ALDH2: variants seen among roughly 807,000 people sequenced by gnomAD.
ALDH2 encodes the protein aldehyde dehydrogenase, mitochondrial.
ALDH2 carries 44 observed loss-of-function variants against 59.6 expected under a neutral mutation model. The ratio of observed to expected loss-of-function variants is 0.74; its 90% CI spans 0.58 to 0.95. ALDH2 has a LOEUF of 0.95. ALDH2 is among the 40% of genes least tolerant of loss of function. The probability of loss-of-function intolerance (pLI) is 0.00; values close to 1 mark genes in which losing one functional copy is unlikely to be tolerated. For missense variants in ALDH2, 570 were observed against 696.3 expected (o/e 0.82, Z 2.04); for synonymous variants, 291 against 284.0 (o/e 1.02, Z -0.25).
intron 12 of ALDH2, among the ~76,000 whole-genome samples, chr12:111,806,946 G>T (rs1446913090): frequency 6.6e-6 from 1 of 151,214 alleles, no homozygotes; most frequent in East Asian, 2.0e-4. Context: ...TCCAGCCTGG[G>T]CAACAGAGCA....
intron 1 of ALDH2, among the ~76,000 whole-genome samples, chr12:111,774,080 C>G (rs185052213): frequency 6.6e-6 from 1 of 152,234 alleles, no homozygotes; most frequent in East Asian, 1.9e-4. Flanking sequence ...GTAAGCAGAA[C>G]AAGTTGAAAC....
chr12:111,792,949 T>C (rs1593080793), intron 9 of ALDH2, among the ~76,000 whole-genome samples, 167 bp downstream of exon 9: 1 of 151,754 alleles, frequency 6.6e-6, no homozygotes, highest in Non-Finnish European at 1.5e-5. Context: ...CATTTCCCCA[T>C]CCCGAGCCGT....
At chr12:111,792,567 C>T in intron 8 of ALDH2, 31 bp from the exon 9 acceptor site, 2 of 1,598,958 alleles carry the variant, frequency 1.3e-6, no homozygotes, top group Non-Finnish European at 1.7e-6. Flanking sequence ...TCCTCACTGT[C>T]ACCTTTCTGT....
chr12:111,791,499 G>T, intron 7 of ALDH2, 80 bp downstream of exon 7: 1 of 1,092,306 alleles, frequency 9.2e-7, no homozygotes. Flanking sequence ...TGCTCAAGGT[G>T]AGCTCCCGGG....
chr12:111,770,415 G>T (rs1324605502), intron 1 of ALDH2, among the ~76,000 whole-genome samples: 1 of 152,144 alleles, frequency 6.6e-6, no homozygotes, highest in Non-Finnish European at 1.5e-5. Flanking sequence ...AAAGTAGAAT[G>T]GGAGTTTGGG....
At position 111,798,236 on chromosome 12, in the gene ALDH2, G is replaced by A. The variant is rs754808238; in HGVS notation, c.1242G>A (p.Lys414=). The change falls in exon 10 of 13, where the codon AAG becomes AAA. Residue 414 remains lysine, a synonymous_variant. Coordinates refer to ENST00000261733, the MANE Select transcript of ALDH2 (RefSeq NM_000690.4). ...TGCAGGATGGCATGACCATCGCCAAGGAGGAGGTGAGCACTTGGGGCCAGT... is the reference window on the plus strand; with the variant it reads ...TGCAGGATGGCATGACCATCGCCAAAGAGGAGGTGAGCACTTGGGGCCAGT... ...GDVQDGMTIA[K]EEIFGPVMQI... 1 of 1,555,220 alleles carries A rather than the reference G, an allele frequency of 6.4e-7. No individual in the cohort carries two copies.
At chr12:111,793,335 T>C (rs140710597) in intron 9 of ALDH2, among the ~76,000 whole-genome samples, 12 of 152,194 alleles carry the variant, frequency 7.9e-5, no homozygotes, top group African/African-American at 2.9e-4. Flanking sequence ...TCCTCCTGCT[T>C]TGGCCTCTCA....
chr12:111,803,246 A>G (rs1002469874), intron 11 of ALDH2, among the ~76,000 whole-genome samples: 5 of 150,980 alleles, frequency 3.3e-5, no homozygotes, highest in Non-Finnish European at 5.9e-5. Context: ...GGTAAATTTC[A>G]AATTCAAATA....
In ALDH2 at chr12:111,790,444, C is replaced by T. The variant is rs1239594775; in HGVS notation, c.563C>T (p.Pro188Leu). The change falls in exon 6 of 13, where the codon CCG (proline) becomes CTG (leucine). Residue 188 changes from proline to leucine, a missense_variant. Pro to Leu is a moderately conservative substitution (Grantham distance 98, BLOSUM62 -3). Coordinates refer to ENST00000261733, the MANE Select transcript of ALDH2 (RefSeq NM_000690.4). ...VCGQIIPWNFPLLMQAWKLGP... is the reference protein window; with the variant it reads ...VCGQIIPWNFLLLMQAWKLGP... ...TGTTGTTTGTTGCAGTGGAATTTCC[C>T]GCTCCTGATGCAAGCATGGAAGCTG... The T allele has an allele frequency of 9.3e-6, 15 of 1,613,932 alleles. No individual in the cohort carries two copies. The highest frequency in any genetic ancestry group is 2.2e-5 in the East Asian group (1 of 44,880).
chr12:111,804,026 C>A, intron 12 of ALDH2, 53 bp downstream of exon 12: 1 of 1,313,698 alleles, frequency 7.6e-7, no homozygotes, highest in Non-Finnish European at 1.0e-6. Context: ...TGAGGGTCTG[C>A]TGGTGGCTCG....
At chr12:111,798,382 C>A in intron 10 of ALDH2, 140 bp downstream of exon 10, 1 of 844,460 alleles carries the variant, frequency 1.2e-6, no homozygotes, top group Non-Finnish European at 1.8e-6. Flanking sequence ...GTGCCCATAA[C>A]ACGCTATTCA....
At chr12:111,792,495 A>C (rs897642530) in intron 8 of ALDH2, 103 bp from the exon 9 acceptor site, 2 of 1,337,624 alleles carry the variant, frequency 1.5e-6, no homozygotes, top group Non-Finnish European at 1.0e-6. Context: ...AGCAGGCATC[A>C]ACCCTTACAG....
At chr12:111,786,440 G>A (rs902709067) in intron 4 of ALDH2, among the ~76,000 whole-genome samples, 1 of 152,020 alleles carries the variant, frequency 6.6e-6, no homozygotes, top group Non-Finnish European at 1.5e-5. Context: ...GTTTCACCGT[G>A]TTAGCCAGGA....
At position 111,792,055 on chromosome 12, in the gene ALDH2, C is replaced by T; in HGVS notation, c.796-6C>T. The T allele has an allele frequency of 6.3e-7, 1 of 1,597,360 alleles. No individual in the cohort carries two copies. ...AGAGCTTGTTCCTGTCTTTCTGTCC[C>T]CACAGATTGGCCGCGTAATCCAGGT... On this transcript the variant is annotated splice_polypyrimidine_tract_variant and splice_region_variant and intron_variant, in intron 7 of 12. Coordinates refer to ENST00000261733, the MANE Select transcript of ALDH2 (RefSeq NM_000690.4).
intron 10 of ALDH2, 105 bp downstream of exon 10, chr12:111,798,347 A>G (rs1593084076): frequency 1.6e-6 from 2 of 1,283,238 alleles, no homozygotes; most frequent in Non-Finnish European, 2.1e-6. Flanking sequence ...GCTTGGGGCC[A>G]GATCTCAAGT....
chr12:111,775,423 C>A (rs1251846408), intron 1 of ALDH2, among the ~76,000 whole-genome samples: 2 of 152,178 alleles, frequency 1.3e-5, no homozygotes, highest in Non-Finnish European at 2.9e-5. Context: ...AGGACTTCAG[C>A]TCCCACAAGC....
intron 4 of ALDH2, among the ~76,000 whole-genome samples, chr12:111,788,670 A>G (rs1320008256): frequency 6.6e-6 from 1 of 152,126 alleles, no homozygotes; most frequent in Non-Finnish European, 1.5e-5. Context: ...GCAACCCCCT[A>G]GCTAGCTTTC....
Position 111,785,259 on chromosome 12 carries a change from C to T in ALDH2, c.361-8C>T, listed in dbSNP as rs375313806. The stretch of plus-strand genomic sequence containing the variant: ...CCCATGTCTCTGCTGACCTTGTTTT[C>T]TTCTCAGGCCTTGGAGACCCTGGAC... On this transcript the variant is annotated splice_polypyrimidine_tract_variant and splice_region_variant and intron_variant, in intron 3 of 12. Coordinates refer to ENST00000261733, the MANE Select transcript of ALDH2 (RefSeq NM_000690.4). The T allele has an allele frequency of 1.9e-4, 302 of 1,612,480 alleles. No individual in the cohort carries two copies. The Middle Eastern group carries it at 8.3e-3, about 44-fold the overall frequency.
intron 1 of ALDH2, among the ~76,000 whole-genome samples, chr12:111,778,538 T>TTTGTCTAAAAAAAAAGAAAAAAAAC (rs2068249356): frequency 2.1e-5 from 3 of 144,778 alleles, no homozygotes; most frequent in Non-Finnish European, 4.5e-5. Flanking sequence ...AGAGCCAGAC[T>TTTGTCTAAAAAAAAAGAAAAAAAAC]TTGTCTAAAA....
Sources: gnomAD v4.1 joint callset for allele counts (sites outside exome capture counted in the v4.1 genomes callset) on GRCh38, gnomAD v4.1.1 for gene constraint, MANE v1.5 for transcripts, NCBI Gene and HGNC (gene_info 2026-07-23, HGNC 2026-07-21) for gene names.